Variants in KCTD10 observed in about 807,000 individuals in gnomAD.
KCTD10 encodes the protein potassium channel tetramerization domain containing 10.
In KCTD10, 13 loss-of-function variants were observed where a neutral mutation model predicts 34.6. That is an observed-to-expected ratio of 0.38 (90% CI 0.24 to 0.60). The LOEUF (loss-of-function observed/expected upper bound fraction) is 0.60, where lower values mean the gene tolerates loss of function less well. KCTD10 is among the 20% of genes least tolerant of loss of function. The probability of loss-of-function intolerance (pLI) is 0.66; values close to 1 mark genes in which losing one functional copy is unlikely to be tolerated. For synonymous variants in KCTD10, 156 were observed against 168.8 expected (o/e 0.92, Z 0.59); for missense variants, 256 against 420.3 (o/e 0.61, Z 3.42).
chr12:109,459,095 C>G (rs1873179566), intron 3 of KCTD10: 1 of 152,290 alleles, frequency 6.6e-6, no homozygotes, highest in South Asian at 2.1e-4. Flanking sequence ...ACAGAATCAT[C>G]AGACAGTTGA....
Position 109,460,532 on chromosome 12 carries a change from C to T in KCTD10, c.387+104G>A. On this transcript the variant is annotated intron_variant, in intron 3 of 6. Transcript: ENST00000228495. This position sits in a 1 kb window ranked among gnomAD's most constrained non-coding sequence, Gnocchi z 4.5. ...GCAAACTCATTAACTCTCACAACAT[C>T]TCAGTCAGACAGAAACTGCCCCCAT... The T allele has an allele frequency of 8.0e-7, 1 of 1,257,090 alleles. No homozygotes were observed. Among genetic ancestry groups the T allele is most frequent in the East Asian group, 2.4e-5 (1 of 42,550 alleles). 77.9% of individuals were successfully genotyped at this position (1,257,090 alleles called of 1,614,324 possible). A position where few individuals can be genotyped will look rare whatever the true frequency, so the allele number is the denominator to read the frequency against.
rs977148196 is a variant in KCTD10, at chr12:109,460,551, C to A, written c.387+85G>T. On this transcript the variant is annotated intron_variant, in intron 3 of 6. Transcript: ENST00000228495. The surrounding 1 kb of genome is among the most constrained non-coding windows in gnomAD (Gnocchi z 4.5). Reference sequence around the variant, plus strand: ...CAACATCTCAGTCAGACAGAAACTGCCCCCATTTTGCAGAGAGGGAAAATG... The same window carrying A: ...CAACATCTCAGTCAGACAGAAACTGACCCCATTTTGCAGAGAGGGAAAATG... 2.2e-6 allele frequency: 3 copies of A among 1,374,768 alleles called. No homozygotes were observed. The highest frequency in any genetic ancestry group is 2.0e-6 in the Non-Finnish European group (2 of 991,792). The allele number at this position is 1,374,768 out of a possible 1,614,324, so 85.2% of individuals were successfully genotyped here.
At chr12:109,470,698 G>A (rs1203400951) in intron 1 of KCTD10, 5 of 608,896 alleles carry the variant, frequency 8.2e-6, no homozygotes, top group Non-Finnish European at 1.0e-5. Flanking sequence ...GTGCCCTTGC[G>A]ACAAGACAAA....
Position 109,456,145 on chromosome 12 carries a change from G to C in KCTD10, c.696C>G (p.Val232=). Residue 232 remains valine (V), a synonymous_variant, in exon 6 of 7, where the codon GTC becomes GTG. Coordinates refer to ENST00000228495, the MANE Select transcript of KCTD10 (RefSeq NM_031954.5). ...TGGTCTGTTTCTTCTCAGTGGCATAGACGATGGAGGTACAACAGACTTCAG... is the reference window on the plus strand; with the variant it reads ...TGGTCTGTTTCTTCTCAGTGGCATACACGATGGAGGTACAACAGACTTCAG... ...KIAEVCCTSI[V]YATEKKQTKV... The C allele has an allele frequency of 6.2e-7, 1 of 1,614,192 alleles. No homozygotes were observed. Among genetic ancestry groups the C allele is most frequent in the Non-Finnish European group, 8.5e-7 (1 of 1,180,034 alleles).
At chr12:109,456,692 A>G (rs1444968199) in intron 5 of KCTD10, 1 of 269,172 alleles carries the variant, frequency 3.7e-6, no homozygotes, top group Non-Finnish European at 7.2e-6. Flanking sequence ...GAGACTCTAT[A>G]TCCTAGGTCT....
chr12:109,459,660 G>C (rs1351212577), intron 3 of KCTD10: 5 of 152,298 alleles, frequency 3.3e-5, no homozygotes, highest in African/African-American at 9.6e-5. Context: ...TAAGCTTGGT[G>C]GGGGTAGAGG....
intron 1 of KCTD10, among the ~76,000 whole-genome samples, chr12:109,476,839 T>TGCCC (rs1874345936): frequency 6.6e-6 from 1 of 152,048 alleles, no homozygotes; most frequent in Non-Finnish European, 1.5e-5. Context: ...TCTCATAACC[T>TGCCC]GCCCATTCAT....
At position 109,453,513 on chromosome 12, in the gene KCTD10, C is replaced by T. The variant is rs1218424541; in HGVS notation, c.724-1700G>A. On this transcript the variant is annotated intron_variant, in intron 6 of 6. Transcript: ENST00000228495. Reference sequence around the variant, plus strand: ...CAGTCCTTTTCTTTATTTTCTTGCACCCAGACCTGAGCATTCCTGTGGCAG... The same window carrying T: ...CAGTCCTTTTCTTTATTTTCTTGCATCCAGACCTGAGCATTCCTGTGGCAG... 2.6e-5 allele frequency among the ~76,000 whole-genome samples: 4 copies of T among 152,202 alleles called. No homozygotes were observed. The East Asian group carries it at 5.8e-4, about 22-fold the overall frequency.
chr12:109,470,129 C>T (rs1392518742), intron 1 of KCTD10: 1 of 1,020,538 alleles, frequency 9.8e-7, no homozygotes, highest in East Asian at 9.3e-5. Flanking sequence ...TACATGAACA[C>T]CCTGGCTGCA....
Position 109,460,569 on chromosome 12 carries a change from G to T in KCTD10, c.387+67C>A. 1 of 1,509,336 alleles carries T rather than the reference G, an allele frequency of 6.6e-7. No homozygotes were observed. The highest frequency in any genetic ancestry group is 9.0e-7 in the Non-Finnish European group (1 of 1,106,346). The allele number at this position is 1,509,336 out of a possible 1,614,324, so 93.5% of individuals were successfully genotyped here. A position where few individuals can be genotyped will look rare whatever the true frequency, so the allele number is the denominator to read the frequency against. ...GAAACTGCCCCCATTTTGCAGAGAG[G>T]GAAAATGAGGAAGGCAGGTAGGCTT... On this transcript the variant is annotated intron_variant, in intron 3 of 6. Coordinates refer to ENST00000228495, the MANE Select transcript of KCTD10 (RefSeq NM_031954.5). This position sits in a 1 kb window ranked among gnomAD's most constrained non-coding sequence, Gnocchi z 4.5.
At chr12:109,453,151 C>T (rs1872861198) in intron 6 of KCTD10, among the ~76,000 whole-genome samples, 1 of 152,192 alleles carries the variant, frequency 6.6e-6, no homozygotes, top group South Asian at 2.1e-4. Flanking sequence ...GCCTTGAACG[C>T]CTAGGCTCAA....
rs977885467 is a variant in KCTD10 at position 109,450,393 on chromosome 12, A to G, written c.*1202T>C. Reference sequence around the variant, plus strand: ...CCCACAAGCACACGTCCCCACCCACAGTCACACATATCCCTTAAACAAACA... The same window carrying G: ...CCCACAAGCACACGTCCCCACCCACGGTCACACATATCCCTTAAACAAACA... On this transcript the variant is annotated 3_prime_UTR_variant, in exon 7 of 7. Transcript: ENST00000228495. 4.4e-4 allele frequency: 174 copies of G among 399,030 alleles called. No homozygotes were observed. Among genetic ancestry groups the G allele is most frequent in the Middle Eastern group, 1.2e-3 (2 of 1,610 alleles). 24.7% of individuals were successfully genotyped at this position (399,030 alleles called of 1,614,324 possible). A position where few individuals can be genotyped will look rare whatever the true frequency, so the allele number is the denominator to read the frequency against.
rs1394189972 is a variant in KCTD10 at position 109,460,394 on chromosome 12, CAT to C, written c.387+240_387+241del. 7.6e-6 allele frequency: 4 copies of C among 524,804 alleles called. No homozygotes were observed. Among genetic ancestry groups the C allele is most frequent in the African/African-American group, 3.8e-5 (2 of 52,346 alleles). 32.5% of individuals were successfully genotyped at this position (524,804 alleles called of 1,614,324 possible). On this transcript the variant is annotated intron_variant, in intron 3 of 6. Transcript: ENST00000228495. This position sits in a 1 kb window ranked among gnomAD's most constrained non-coding sequence, Gnocchi z 4.5. ...CTCTGCTGAAGGGTTGAGATGTACA[CAT>C]GAGAAGATCCAACAGCATGGGGCTG... is the stretch of plus-strand genomic sequence containing the variant.
intron 1 of KCTD10, among the ~76,000 whole-genome samples, chr12:109,476,522 CAT>C (rs1304510670): frequency 6.6e-6 from 1 of 152,174 alleles, no homozygotes; most frequent in Non-Finnish European, 1.5e-5. Flanking sequence ...GATCTTGAAA[CAT>C]CCTCCGCTCC....
At chr12:109,462,208 C>A (rs552977612) in intron 2 of KCTD10, among the ~76,000 whole-genome samples, 1 of 152,354 alleles carries the variant, frequency 6.6e-6, no homozygotes, top group South Asian at 2.1e-4. Context: ...GTTTGGTATT[C>A]TTTGCATGAA....
intron 6 of KCTD10, among the ~76,000 whole-genome samples, chr12:109,455,888 A>G (rs1872991789): frequency 6.6e-6 from 1 of 152,198 alleles, no homozygotes; most frequent in South Asian, 2.1e-4. Context: ...TCAGGGAGTC[A>G]AGCATGCTTG....
chr12:109,470,522 CAG>C, intron 1 of KCTD10: 1 of 985,436 alleles, frequency 1.0e-6, no homozygotes, highest in East Asian at 1.1e-4. Context: ...CATGTGTACT[CAG>C]AGCAAACATG....
chr12:109,457,307 G>T (rs115386530), intron 5 of KCTD10: 4 of 235,534 alleles, frequency 1.7e-5, no homozygotes, highest in African/African-American at 9.1e-5. Context: ...GGGAGTGACT[G>T]CTAACGAATA....
chr12:109,460,872 TG>T lies in KCTD10; in HGVS notation c.218-68del. Reference sequence around the variant, plus strand: ...TCTTGTGGGAGGCCCTGAGCAGAGCTGGGGTGTCTCTCGGCTCCCTCTACCT... The same window carrying T: ...TCTTGTGGGAGGCCCTGAGCAGAGCTGGGTGTCTCTCGGCTCCCTCTACCT... On this transcript the variant is annotated intron_variant, in intron 2 of 6. Transcript: ENST00000228495. The surrounding 1 kb of genome is among the most constrained non-coding windows in gnomAD (Gnocchi z 4.5). 1.3e-6 allele frequency: 2 copies of T among 1,504,874 alleles called. No homozygotes were observed. Among genetic ancestry groups the T allele is most frequent in the South Asian group, 2.4e-5 (2 of 84,250 alleles). The allele number at this position is 1,504,874 out of a possible 1,614,324, so 93.2% of individuals were successfully genotyped here.
Sources: gnomAD v4.1 joint callset for allele counts (sites outside exome capture counted in the v4.1 genomes callset) on GRCh38, gnomAD v4.1.1 for gene constraint, Gnocchi (gnomAD v3.1) non-coding constraint, MANE v1.5 for transcripts, NCBI Gene and HGNC (gene_info 2026-07-23, HGNC 2026-07-21) for gene names.